The following LARP4 variants were observed in gnomAD, a reference collection of about 807,000 sequenced individuals.
The protein encoded by LARP4 is la-related protein 4.
Under a neutral mutation model 92.9 loss-of-function variants are expected in LARP4, and 29 were observed. The observed-to-expected ratio is 0.31, with a 90% CI of 0.23 to 0.43. The LOEUF is 0.43. Among genes scored for constraint, LARP4 ranks in the 20% least tolerant of loss-of-function variants. LARP4 has a pLI of 1.00. For synonymous variants in LARP4, 279 were observed against 284.1 expected, an observed-to-expected ratio of 0.98 and a Z score of 0.18; for missense variants, 732 against 860.0, an observed-to-expected ratio of 0.85 and a Z score of 1.86.
At chr12:50,451,460 G>A (rs1444996188) in intron 8 of LARP4, among the ~76,000 whole-genome samples, 1 of 152,128 alleles carries the variant, frequency 6.6e-6, no homozygotes, top group Non-Finnish European at 1.5e-5. Context: ...CACTTTGGGA[G>A]GCCAAGGCAG....
At chr12:50,410,967 A>G (rs552400339) in intron 1 of LARP4, among the ~76,000 whole-genome samples, 1 of 152,210 alleles carries the variant, frequency 6.6e-6, no homozygotes, top group South Asian at 2.1e-4. Context: ...TGATGAATAA[A>G]CTTCAGATTT....
intron 15 of LARP4, 41 bp from the exon 16 acceptor site, chr12:50,475,485 A>T: frequency 7.0e-7 from 1 of 1,435,258 alleles, no homozygotes; most frequent in East Asian, 2.3e-5. Context: ...TAATTTAAAG[A>T]ATGTGTACCA....
intron 10 of LARP4, among the ~76,000 whole-genome samples, chr12:50,457,686 C>T (rs796828546): frequency 1.6e-4 from 24 of 151,850 alleles, no homozygotes; most frequent in Non-Finnish European, 2.5e-4. Flanking sequence ...TACTGGTGTG[C>T]ACCTGTAGTC....
chr12:50,438,786 A>G (rs961335078), intron 6 of LARP4, among the ~76,000 whole-genome samples: 5 of 152,196 alleles, frequency 3.3e-5, no homozygotes, highest in Non-Finnish European at 7.3e-5. Flanking sequence ...TTGGGTTTGA[A>G]CATGATCTCT....
intron 8 of LARP4, among the ~76,000 whole-genome samples, chr12:50,450,184 C>T (rs1952933276): frequency 6.6e-6 from 1 of 152,096 alleles, no homozygotes. Context: ...CCCGCCTCAG[C>T]CTCCCAAAGT....
At chr12:50,436,168 G>GTGTA (rs528599149) in intron 5 of LARP4, among the ~76,000 whole-genome samples, 1 of 70,806 alleles carries the variant, frequency 1.4e-5, no homozygotes, top group East Asian at 5.1e-4. Flanking sequence ...GTGTGTGTGT[G>GTGTA]TGTATGTATA....
In LARP4 at chr12:50,466,867, T is replaced by G. The variant is rs573489223; in HGVS notation, c.1384-92T>G. ...GTGCATTATAGAGGTTTTGTTTGCTTCTTTTTCTTTTCTTGCACCTTTCAG... is the reference window on the plus strand; with the variant it reads ...GTGCATTATAGAGGTTTTGTTTGCTGCTTTTTCTTTTCTTGCACCTTTCAG... On this transcript the variant is annotated intron_variant, in intron 12 of 15. Transcript: ENST00000398473. The G allele has an allele frequency of 4.7e-5, 60 of 1,266,934 alleles. No individual in the cohort carries two copies. The Middle Eastern group carries it at 8.7e-4, about 18-fold the overall frequency. 78.5% of individuals were successfully genotyped at this position (1,266,934 alleles called of 1,614,324 possible). A position where few individuals can be genotyped will look rare whatever the true frequency, so the allele number is the denominator to read the frequency against.
intron 8 of LARP4, among the ~76,000 whole-genome samples, chr12:50,452,204 A>T (rs978913225): frequency 1.6e-4 from 25 of 152,146 alleles, no homozygotes; most frequent in African/African-American, 6.0e-4. Context: ...TTGTTGGATC[A>T]TACGGTACTT....
intron 10 of LARP4, among the ~76,000 whole-genome samples, chr12:50,457,633 G>T (rs1954562575): frequency 6.6e-6 from 1 of 152,058 alleles, no homozygotes; most frequent in Non-Finnish European, 1.5e-5. Flanking sequence ...AGGCAACAGA[G>T]TGAAACCTCG....
chr12:50,433,804 T>C (rs910256408), intron 4 of LARP4, among the ~76,000 whole-genome samples: 4 of 152,128 alleles, frequency 2.6e-5, no homozygotes, highest in African/African-American at 9.7e-5. Flanking sequence ...CGTGCCTGGC[T>C]AAGTTTTGTG....
At chr12:50,474,551 G>A (rs917460242) in intron 15 of LARP4, among the ~76,000 whole-genome samples, 1 of 152,116 alleles carries the variant, frequency 6.6e-6, no homozygotes, top group Non-Finnish European at 1.5e-5. Context: ...GTTTCACTGT[G>A]TTAGCCAGGA....
At position 50,457,046 on chromosome 12, in the gene LARP4, G is replaced by C. The variant is rs1954393572; in HGVS notation, c.1121+2629G>C. Among the ~76,000 whole-genome samples, 3 of 152,022 alleles carry C rather than the reference G, an allele frequency of 2.0e-5. No individual in the cohort carries two copies. The South Asian group carries it at 6.2e-4, about 32-fold the overall frequency. On this transcript the variant is annotated intron_variant, in intron 10 of 15. Transcript: ENST00000398473. ...TCTGGCCTCAGCCTTCTGAGTAGCT[G>C]GGACTACAGGCATGTGCTAGCTAAT...
At position 50,430,981 on chromosome 12, in the gene LARP4, T is replaced by C. The variant is rs1429574510; in HGVS notation, c.398+411T>C. On this transcript the variant is annotated intron_variant, in intron 4 of 15. Transcript: ENST00000398473. Reference sequence around the variant, plus strand: ...TCGGCCCCTTGTCTAGATTTAAAAGTGTAGGGTCGGGCGCTGTGGCTCATG... The same window carrying C: ...TCGGCCCCTTGTCTAGATTTAAAAGCGTAGGGTCGGGCGCTGTGGCTCATG... Among the ~76,000 whole-genome samples, 3 of 152,098 alleles carry C rather than the reference T, an allele frequency of 2.0e-5. No homozygotes were observed. The East Asian group carries it at 5.8e-4, about 29-fold the overall frequency.
chr12:50,430,457 G>A, intron 3 of LARP4, 38 bp from the exon 4 acceptor site: 2 of 1,135,070 alleles, frequency 1.8e-6, no homozygotes, highest in South Asian at 1.3e-5. Flanking sequence ...CTACTAACAT[G>A]CTATTAACTT....
chr12:50,448,344 C>A (rs1952572442), intron 8 of LARP4, among the ~76,000 whole-genome samples: 1 of 152,106 alleles, frequency 6.6e-6, no homozygotes, highest in Non-Finnish European at 1.5e-5. Context: ...CTCCAGAACT[C>A]TTTTTATAAG....
chr12:50,471,939 G>A (rs1180478674), intron 13 of LARP4, among the ~76,000 whole-genome samples: 1 of 152,066 alleles, frequency 6.6e-6, no homozygotes. Context: ...TTTCTTTTCC[G>A]TCTTTAGTGC....
chr12:50,429,162 C>A, intron 3 of LARP4, 72 bp downstream of exon 3: 1 of 1,061,330 alleles, frequency 9.4e-7, no homozygotes, highest in Non-Finnish European at 1.4e-6. Context: ...TCTCTTTATA[C>A]TTGTTCTGAT....
chr12:50,411,323 A>C (rs1031812696), intron 1 of LARP4, among the ~76,000 whole-genome samples: 1 of 151,784 alleles, frequency 6.6e-6, no homozygotes, highest in Non-Finnish European at 1.5e-5. Context: ...CTGGGATTAC[A>C]GGCACCTGCC....
At chr12:50,453,835 G>A (rs576007687) in intron 9 of LARP4, among the ~76,000 whole-genome samples, 163 bp downstream of exon 9, 1 of 151,888 alleles carries the variant, frequency 6.6e-6, no homozygotes, top group South Asian at 2.1e-4. Flanking sequence ...ATTTTGCCAT[G>A]TTGCCCAGGC....
Sources: allele counts gnomAD v4.1 joint callset (sites outside exome capture counted in the v4.1 genomes callset), GRCh38; gene constraint gnomAD v4.1.1; transcripts MANE v1.5; gene names NCBI Gene and HGNC (gene_info 2026-07-23, HGNC 2026-07-21).